Variants in ZNF134 observed in about 807,000 individuals in gnomAD.
ZNF134 encodes zinc finger protein 134 (clone pHZ-15).
ZNF134 carries 5 observed loss-of-function variants against 2.5 expected under a neutral mutation model. The observed-to-expected ratio is 2.03, with a 90% confidence interval of 1.06 to 4.27. The LOEUF (loss-of-function observed/expected upper bound fraction) is 4.27, where lower values mean the gene tolerates loss of function less well. Among genes scored for constraint, ZNF134 ranks in the 30% most tolerant of loss-of-function variants. The pLI, the probability that ZNF134 is intolerant of heterozygous loss-of-function variation, is 0.00. For missense variants in ZNF134, 540 were observed against 517.5 expected, an observed-to-expected ratio of 1.04 and a Z score of -0.42; for synonymous variants, 176 against 176.2, an observed-to-expected ratio of 1.00 and a Z score of 0.01.
chr19:57,614,405 C>T lies in ZNF134; in HGVS notation c.-156C>T, dbSNP rs371844758. Reference sequence around the variant, plus strand: ...CCCCGCCTGCGCCCCCGGGGACGGACGACCGCGGTGCCAGGGTCCCGCGAC... The same window carrying T: ...CCCCGCCTGCGCCCCCGGGGACGGATGACCGCGGTGCCAGGGTCCCGCGAC... On this transcript the variant is annotated 5_prime_UTR_variant, in exon 1 of 3. It adds an upstream start codon to the 5' untranslated region. Transcript: ENST00000396161. The T allele has an allele frequency of 8.9e-6, 4 of 451,074 alleles. No homozygotes were observed. Among genetic ancestry groups the T allele is most frequent in the Admixed American group, 2.4e-5 (1 of 42,248 alleles). 27.9% of individuals were successfully genotyped at this position (451,074 alleles called of 1,614,324 possible).
chr19:57,624,259 A>G lies in ZNF134; in HGVS notation c.*2856A>G, dbSNP rs775562758. ...TAACTATTATCCTAGGTCTTTCCCA[A>G]CCTTTTGTTTGGGAGCAGATAACTA... On this transcript the variant is annotated 3_prime_UTR_variant, in exon 3 of 3. Coordinates refer to ENST00000396161, the MANE Select transcript of ZNF134 (RefSeq NM_003435.5). 12 of 152,102 alleles carry G rather than the reference A, an allele frequency of 7.9e-5. No homozygotes were observed. Among genetic ancestry groups the G allele is most frequent in the Non-Finnish European group, 1.2e-4 (8 of 68,044 alleles). The allele number at this position is 152,102 out of a possible 1,614,324, so 9.4% of individuals were successfully genotyped here. A position where few individuals can be genotyped will look rare whatever the true frequency, so the allele number is the denominator to read the frequency against.
intron 1 of ZNF134, among the ~76,000 whole-genome samples, chr19:57,617,937 C>T (rs1044460519): frequency 3.3e-5 from 5 of 152,150 alleles, no homozygotes; most frequent in African/African-American, 1.2e-4. Context: ...AGGCCAGAGC[C>T]AGTGCTTATT....
Position 57,621,271 on chromosome 19 carries a change from C to T in ZNF134, c.1152C>T (p.Thr384=), listed in dbSNP as rs1337130055. Residue 384 remains threonine (T), a synonymous_variant, in exon 3 of 3, where the codon ACC becomes ACT. Transcript: ENST00000396161. ...CSKCGKDFIR[T]SHLVRHQRVH... Reference sequence around the variant, plus strand: ...AATGTGGGAAAGACTTTATCAGAACCTCCCACCTTGTTCGACACCAAAGAG... The same window carrying T: ...AATGTGGGAAAGACTTTATCAGAACTTCCCACCTTGTTCGACACCAAAGAG... 6.2e-7 allele frequency: 1 copy of T among 1,613,988 alleles called. No individual in the cohort carries two copies. Among genetic ancestry groups the T allele is most frequent in the Non-Finnish European group, 8.5e-7 (1 of 1,180,006 alleles).
chr19:57,619,588 G>T (rs1981141137), intron 2 of ZNF134, 80 bp downstream of exon 2: 2 of 1,454,816 alleles, frequency 1.4e-6, no homozygotes, highest in Non-Finnish European at 1.8e-6. Flanking sequence ...CCCATCACAA[G>T]TGCCAAGGCC....
intron 2 of ZNF134, among the ~76,000 whole-genome samples, chr19:57,619,787 A>G (rs1981145548): frequency 6.6e-6 from 1 of 152,238 alleles, no homozygotes; most frequent in African/African-American, 2.4e-5. Flanking sequence ...AGATGTGTGC[A>G]TATCTGTAAA....
In ZNF134 at chr19:57,621,595, C is replaced by T; in HGVS notation, c.*192C>T. The T allele has an allele frequency of 1.1e-6, 1 of 873,344 alleles. No homozygotes were observed. Among genetic ancestry groups the T allele is most frequent in the South Asian group, 1.3e-5 (1 of 75,904 alleles). 54.1% of individuals were successfully genotyped at this position (873,344 alleles called of 1,614,324 possible). ...ATCCATGTGGCCGAAACCATCTTAA[C>T]TCTACCAGCTAAGATACCCCAGCAT... is the stretch of plus-strand genomic sequence containing the variant. On this transcript the variant is annotated 3_prime_UTR_variant, in exon 3 of 3. Coordinates refer to ENST00000396161, the MANE Select transcript of ZNF134 (RefSeq NM_003435.5).
rs1251017977 is a variant in ZNF134, at chr19:57,620,549, A to G, written c.430A>G (p.Thr144Ala). 3 of 1,614,214 alleles carry G rather than the reference A, an allele frequency of 1.9e-6. No homozygotes were observed. The highest frequency in any genetic ancestry group is 1.1e-5 in the South Asian group (1 of 91,080). The change falls in exon 3 of 3, where the codon ACT (threonine) becomes GCT (alanine). Residue 144 changes from threonine (T) to alanine (A), a missense_variant. Coordinates refer to ENST00000396161, the MANE Select transcript of ZNF134 (RefSeq NM_003435.5). ...GGAGGAGCAGAAAAACTTCCAGGCT[A>G]CTTTGGGTGGCTGCCAACAAAAGGC... ...CKEEQKNFQATLGGCQQKAIH... is the reference protein window; with the variant it reads ...CKEEQKNFQAALGGCQQKAIH...
rs200214551 is a variant in ZNF134, at chr19:57,621,398, C to T, written c.1279C>T (p.Leu427Phe). The T allele has an allele frequency of 7.0e-4, 1,122 of 1,612,958 alleles. 1 individual carries two copies. The highest frequency in any genetic ancestry group is 9.2e-4 in the Non-Finnish European group (1,088 of 1,180,028). Residue 427 changes from leucine to phenylalanine, a missense_variant, in exon 3 of 3, where the codon CTT (leucine) becomes TTT (phenylalanine). Transcript: ENST00000396161. ...RHQKVHTAGRL is the reference protein window; with the variant it reads ...RHQKVHTAGRF ...CCAGAAAGTTCACACTGCAGGCAGG[C>T]TTTAGGAGTGCTTTGAATACAACAG...
intron 2 of ZNF134, among the ~76,000 whole-genome samples, chr19:57,619,810 A>G (rs1981145978): frequency 6.6e-6 from 1 of 152,196 alleles, no homozygotes; most frequent in Non-Finnish European, 1.5e-5. Flanking sequence ...GTCCCTGAAC[A>G]CGTTACTTAT....
At chr19:57,616,509 C>G (rs1035982929) in intron 1 of ZNF134, among the ~76,000 whole-genome samples, 2 of 152,216 alleles carry the variant, frequency 1.3e-5, no homozygotes, top group Non-Finnish European at 2.9e-5. Flanking sequence ...AAGCCTGATA[C>G]AAACAGTAGC....
In ZNF134 at chr19:57,622,659, G is replaced by A. The variant is rs967015860; in HGVS notation, c.*1256G>A. 6.6e-6 allele frequency: 1 copy of A among 152,190 alleles called. No individual in the cohort carries two copies. Among genetic ancestry groups the A allele is most frequent in the Non-Finnish European group, 1.5e-5 (1 of 68,038 alleles). The allele number at this position is 152,190 out of a possible 1,614,324, so 9.4% of individuals were successfully genotyped here. On this transcript the variant is annotated 3_prime_UTR_variant, in exon 3 of 3. Transcript: ENST00000396161. ...GCGGTAACCCTGGGAGTAAAGAGGT[G>A]TGGTCCAAGGAAGTAGCTTTTGTGA... is the stretch of plus-strand genomic sequence containing the variant.
chr19:57,618,243 G>C (rs571019059), intron 1 of ZNF134, among the ~76,000 whole-genome samples: 2 of 152,322 alleles, frequency 1.3e-5, no homozygotes, highest in East Asian at 1.9e-4. Context: ...AGATTTAATA[G>C]GTGGATTCAG....
In ZNF134 at chr19:57,624,228, T is replaced by C. The variant is rs772281832; in HGVS notation, c.*2825T>C. 2.6e-5 allele frequency: 4 copies of C among 152,044 alleles called. No homozygotes were observed. Among genetic ancestry groups the C allele is most frequent in the African/African-American group, 9.7e-5 (4 of 41,378 alleles). 9.4% of individuals were successfully genotyped at this position (152,044 alleles called of 1,614,324 possible). A position where few individuals can be genotyped will look rare whatever the true frequency, so the allele number is the denominator to read the frequency against. ...TCCTCCCCTTTTGAAACAATGCATA[T>C]ACATATAACTATTATCCTAGGTCTT... On this transcript the variant is annotated 3_prime_UTR_variant, in exon 3 of 3. Transcript: ENST00000396161.
chr19:57,620,179 G>T lies in ZNF134; in HGVS notation c.60G>T (p.Lys20Asn). 3 of 1,612,526 alleles carry T rather than the reference G, an allele frequency of 1.9e-6. No homozygotes were observed. Among genetic ancestry groups the T allele is most frequent in the Non-Finnish European group, 2.5e-6 (3 of 1,178,860 alleles). Residue 20 changes from lysine (K) to asparagine (N), a missense_variant, in exon 3 of 3, where the codon AAG becomes AAT. Physicochemically the swap from Lys to Asn is moderately conservative, Grantham distance 94. Transcript: ENST00000396161. ...CTTCAGGTTGTTGGCATGAAGTGAA[G>T]GATGAAGAGTCATCTTCTGAACAGA... ...WTGPGCWHEV[K>N]DEESSSEQSI... is the part of the protein sequence containing the mutation.
rs774178655 is a variant in ZNF134, at chr19:57,620,533, G to T, written c.414G>T (p.Gln138His). The change falls in exon 3 of 3, where the codon CAG (glutamine) becomes CAT (histidine). Residue 138 changes from glutamine (Q) to histidine (H), a missense_variant. Gln to His is a conservative substitution (Grantham distance 24, BLOSUM62 0). Transcript: ENST00000396161. The stretch of plus-strand genomic sequence containing the variant: ...AGCCCTTTACGTGTAAGGAGGAGCA[G>T]AAAAACTTCCAGGCTACTTTGGGTG... ...SEKPFTCKEE[Q>H]KNFQATLGGC... 40 of 1,614,210 alleles carry T rather than the reference G, an allele frequency of 2.5e-5. No homozygotes were observed. Among genetic ancestry groups the T allele is most frequent in the Middle Eastern group, 1.6e-4 (1 of 6,062 alleles).
chr19:57,618,131 C>T (rs967568000), intron 1 of ZNF134, among the ~76,000 whole-genome samples: 2 of 152,152 alleles, frequency 1.3e-5, no homozygotes, highest in Admixed American at 6.5e-5. Context: ...TGTGACTGAC[C>T]TCAGTAGTAC....
chr19:57,620,660 T>C lies in ZNF134; in HGVS notation c.541T>C (p.Cys181Arg). ...ACAAATGCATTACAAGTGCAGTGAA[T>C]GTGGGAAAGCTTTCAGCCGCAAAGA... Reference protein sequence around the residue: ...GEQMHYKCSECGKAFSRKDTL... With the variant: ...GEQMHYKCSERGKAFSRKDTL... The change falls in exon 3 of 3, where the codon TGT (cysteine) becomes CGT (arginine). Residue 181 changes from cysteine to arginine, a missense_variant. By Grantham distance (180) the Cys-to-Arg change is radical. Coordinates refer to ENST00000396161, the MANE Select transcript of ZNF134 (RefSeq NM_003435.5). 1 of 1,614,162 alleles carries C rather than the reference T, an allele frequency of 6.2e-7. No individual in the cohort carries two copies. The highest frequency in any genetic ancestry group is 1.3e-5 in the African/African-American group (1 of 75,020).
Position 57,621,555 on chromosome 19 carries a change from G to C in ZNF134, c.*152G>C. The C allele has an allele frequency of 1.7e-6, 2 of 1,191,448 alleles. No individual in the cohort carries two copies. Among genetic ancestry groups the C allele is most frequent in the Non-Finnish European group, 2.5e-6 (2 of 808,868 alleles). The allele number at this position is 1,191,448 out of a possible 1,614,324, so 73.8% of individuals were successfully genotyped here. A position where few individuals can be genotyped will look rare whatever the true frequency, so the allele number is the denominator to read the frequency against. ...TGACTTGCTCAGGTTTTTTGCCAGA[G>C]TTATGTCACTGTCAATCCATGTGGC... On this transcript the variant is annotated 3_prime_UTR_variant, in exon 3 of 3. Transcript: ENST00000396161.
chr19:57,624,452 C>A lies in ZNF134; in HGVS notation c.*3049C>A. ...AAGAAACCGTGGGATAACAGAAAAC[C>A]CAAAACAAAAGAGAAAACTGCCAGA... On this transcript the variant is annotated 3_prime_UTR_variant, in exon 3 of 3. Coordinates refer to ENST00000396161, the MANE Select transcript of ZNF134 (RefSeq NM_003435.5). The A allele has an allele frequency of 6.6e-6, 1 of 151,996 alleles. No individual in the cohort carries two copies. The highest frequency in any genetic ancestry group is 1.9e-4 in the East Asian group (1 of 5,186). 9.4% of individuals were successfully genotyped at this position (151,996 alleles called of 1,614,324 possible). A position where few individuals can be genotyped will look rare whatever the true frequency, so the allele number is the denominator to read the frequency against.
Sources: allele counts gnomAD v4.1 joint callset (sites outside exome capture counted in the v4.1 genomes callset), GRCh38; gene constraint gnomAD v4.1.1; transcripts MANE v1.5; gene names NCBI Gene and HGNC (gene_info 2026-07-23, HGNC 2026-07-21).